Variants in SDK1 observed in about 807,000 individuals in gnomAD.
SDK1 encodes the protein sidekick cell adhesion molecule 1, also known as protein sidekick-1.
In SDK1, 157 loss-of-function variants were observed where a neutral mutation model predicts 245.5. That is an observed-to-expected ratio of 0.64 (90% CI 0.56 to 0.73). The LOEUF is 0.73. Ranked by LOEUF, SDK1 falls within the 30% of genes least tolerant of loss-of-function variation. The pLI, the probability that SDK1 is intolerant of heterozygous loss-of-function variation, is 0.00. For synonymous variants in SDK1, 1,647 were observed against 1,278.5 expected, an observed-to-expected ratio of 1.29 and a Z score of -6.15; for missense variants, 3,583 against 3,002.3, an observed-to-expected ratio of 1.19 and a Z score of -4.52.
At chr7:3,820,715 G>A (rs1779623695) in intron 4 of SDK1, among the ~76,000 whole-genome samples, 1 of 152,186 alleles carries the variant, frequency 6.6e-6, no homozygotes, top group Non-Finnish European at 1.5e-5. Flanking sequence ...TGTTACCTAA[G>A]ACAAGCAACT....
intron 13 of SDK1, among the ~76,000 whole-genome samples, chr7:3,977,476 A>C (rs1783041446): frequency 6.6e-6 from 1 of 152,214 alleles, no homozygotes; most frequent in South Asian, 2.1e-4. Flanking sequence ...GGTTTCCCCC[A>C]GCCCCTGCCT....
chr7:3,770,214 A>G (rs1305561482), intron 4 of SDK1, among the ~76,000 whole-genome samples: 1 of 152,158 alleles, frequency 6.6e-6, no homozygotes, highest in Non-Finnish European at 1.5e-5. Flanking sequence ...GAGTCATACA[A>G]TATGTAACCA....
chr7:4,037,381 G>A (rs1583903094), intron 17 of SDK1, among the ~76,000 whole-genome samples: 4 of 91,996 alleles, frequency 4.3e-5, no homozygotes, highest in Admixed American at 3.5e-4. Flanking sequence ...TACTTTGGGA[G>A]GATGAGGTGG....
At chr7:4,235,249 C>T (rs1056529779) in intron 41 of SDK1, among the ~76,000 whole-genome samples, 2 of 152,298 alleles carry the variant, frequency 1.3e-5, no homozygotes, top group South Asian at 4.1e-4. Flanking sequence ...ACTGCAACCT[C>T]CGTCTCCCGG....
intron 5 of SDK1, among the ~76,000 whole-genome samples, chr7:3,825,065 G>A (rs542095904): frequency 6.6e-6 from 1 of 152,212 alleles, no homozygotes; most frequent in East Asian, 1.9e-4. Flanking sequence ...CAGATGTTAA[G>A]GACATAGGTG....
At chr7:3,955,144 G>A (rs1781156070) in intron 7 of SDK1, among the ~76,000 whole-genome samples, 1 of 152,170 alleles carries the variant, frequency 6.6e-6, no homozygotes, top group Admixed American at 6.5e-5. Flanking sequence ...AACTCGGACG[G>A]CGAGTTTTCA....
intron 20 of SDK1, among the ~76,000 whole-genome samples, chr7:4,068,299 C>G (rs541416367): frequency 6.6e-6 from 1 of 152,144 alleles, no homozygotes; most frequent in South Asian, 2.1e-4. Context: ...AGGTCAATAT[C>G]GATATTATGA....
chr7:3,770,967 A>C lies in SDK1; in HGVS notation c.714-50483A>C, dbSNP rs1041165839. Among the ~76,000 whole-genome samples, 3 of 151,956 alleles carry C rather than the reference A, an allele frequency of 2.0e-5. No homozygotes were observed. In the East Asian group the frequency reaches 5.8e-4, roughly 29 times the overall value. On this transcript the variant is annotated intron_variant, in intron 4 of 44. Coordinates refer to ENST00000404826, the MANE Select transcript of SDK1 (RefSeq NM_152744.4). ...TAGCCAGTTTTCCTGCTTATTCACA[A>C]TAGGCAGGTATTGTTGCTCATGAGC...
chr7:3,339,865 G>A (rs1038419853), intron 1 of SDK1, among the ~76,000 whole-genome samples: 1 of 151,892 alleles, frequency 6.6e-6, no homozygotes, highest in African/African-American at 2.4e-5. Context: ...AAGAGCAGAA[G>A]TCAGTGAAAT....
At chr7:3,382,907 CAT>C (rs1429034097) in intron 1 of SDK1, among the ~76,000 whole-genome samples, 3 of 151,970 alleles carry the variant, frequency 2.0e-5, no homozygotes, top group African/African-American at 4.8e-5. Flanking sequence ...TTGTGATCAA[CAT>C]ATATTCTCTT....
chr7:3,644,990 G>A (rs372535643), intron 4 of SDK1, among the ~76,000 whole-genome samples: 6 of 139,694 alleles, frequency 4.3e-5, no homozygotes, highest in Middle Eastern at 3.7e-3. Context: ...TTTAATTAAC[G>A]TCAGTGGCAG....
intron 1 of SDK1, among the ~76,000 whole-genome samples, chr7:3,523,908 TTA>T (rs1041400039): frequency 6.6e-6 from 1 of 152,184 alleles, no homozygotes; most frequent in African/African-American, 2.4e-5. Flanking sequence ...GTGATTGTGG[TTA>T]TAGCCCCTGC....
chr7:3,861,788 C>A (rs181726657), intron 5 of SDK1, among the ~76,000 whole-genome samples: 1 of 152,084 alleles, frequency 6.6e-6, no homozygotes, highest in Non-Finnish European at 1.5e-5. Flanking sequence ...TACCCTCTCC[C>A]GTCAATGTGA....
At chr7:3,472,769 A>G (rs1781223550) in intron 1 of SDK1, among the ~76,000 whole-genome samples, 1 of 152,164 alleles carries the variant, frequency 6.6e-6, no homozygotes, top group African/African-American at 2.4e-5. Context: ...CTGGAGTTTC[A>G]GGTCTGGCTA....
intron 1 of SDK1, among the ~76,000 whole-genome samples, chr7:3,462,104 A>G (rs545163361): frequency 1.3e-5 from 2 of 152,032 alleles, no homozygotes; most frequent in Non-Finnish European, 1.5e-5. Flanking sequence ...CACCTTTTTC[A>G]TGTGGTTTCC....
chr7:3,550,158 A>C (rs1303994731), intron 1 of SDK1, among the ~76,000 whole-genome samples: 1 of 152,180 alleles, frequency 6.6e-6, no homozygotes, highest in East Asian at 1.9e-4. Context: ...CAATATATGC[A>C]TATCTCAAAT....
At chr7:3,821,300 T>G (rs1007778460) in intron 4 of SDK1, 150 bp from the exon 5 acceptor site, 2 of 828,634 alleles carry the variant, frequency 2.4e-6, no homozygotes, top group Non-Finnish European at 3.6e-6. Context: ...GTTGTCGTAT[T>G]CTTAAAGTCG....
chr7:4,172,653 C>T (rs1221537547), intron 32 of SDK1, among the ~76,000 whole-genome samples: 1 of 152,186 alleles, frequency 6.6e-6, no homozygotes, highest in Non-Finnish European at 1.5e-5. Flanking sequence ...GCCTTATTCT[C>T]TCACAGCTCT....
intron 17 of SDK1, among the ~76,000 whole-genome samples, chr7:4,022,521 A>G (rs1786981116): frequency 6.6e-6 from 1 of 152,162 alleles, no homozygotes; most frequent in South Asian, 2.1e-4. Flanking sequence ...GACACAGCAT[A>G]TGCCTGGGCT....
Sources: gnomAD v4.1 joint callset for allele counts (sites outside exome capture counted in the v4.1 genomes callset) on GRCh38, gnomAD v4.1.1 for gene constraint, MANE v1.5 for transcripts, NCBI Gene and HGNC (gene_info 2026-07-23, HGNC 2026-07-21) for gene names.